Variants in GNA14 observed in about 807,000 individuals in gnomAD.
The protein encoded by GNA14 is guanine nucleotide-binding protein subunit alpha-14.
A neutral mutation model predicts 42.0 loss-of-function variants in GNA14; 50 were observed. The ratio of observed to expected loss-of-function variants is 1.19; its 90% CI spans 0.95 to 1.51. The LOEUF is 1.51. Ranked by LOEUF, GNA14 falls within the 40% of genes most tolerant of loss-of-function variation. The pLI, the probability that GNA14 is intolerant of heterozygous loss-of-function variation, is 0.00. For missense variants in GNA14, 473 were observed against 446.2 expected (o/e 1.06, Z -0.54); for synonymous variants, 173 against 163.1 (o/e 1.06, Z -0.46).
intron 1 of GNA14, among the ~76,000 whole-genome samples, chr9:77,616,441 A>G (rs750264028): frequency 6.6e-6 from 1 of 152,192 alleles, no homozygotes; most frequent in Admixed American, 6.5e-5. Context: ...ACTACTTATT[A>G]TGTGCTGAGT....
chr9:77,617,885 G>T (rs1023746526), intron 1 of GNA14, among the ~76,000 whole-genome samples: 4 of 151,894 alleles, frequency 2.6e-5, no homozygotes, highest in Admixed American at 2.6e-4. Flanking sequence ...CCCCTCCATT[G>T]TCACCCTTCA....
chr9:77,465,636 T>A (rs1836209022), intron 2 of GNA14, among the ~76,000 whole-genome samples: 1 of 151,052 alleles, frequency 6.6e-6, no homozygotes, highest in Non-Finnish European at 1.5e-5. Flanking sequence ...GCCTTCATTT[T>A]CAAAACATAG....
chr9:77,554,329 C>T (rs1421191176), intron 1 of GNA14, among the ~76,000 whole-genome samples: 14 of 152,260 alleles, frequency 9.2e-5, no homozygotes, highest in Admixed American at 2.0e-4. Flanking sequence ...GGGTGGTAGG[C>T]GAACAGTGTT....
intron 1 of GNA14, among the ~76,000 whole-genome samples, chr9:77,565,360 A>T (rs755438531): frequency 3.9e-5 from 6 of 152,214 alleles, no homozygotes; most frequent in Admixed American, 6.5e-5. Flanking sequence ...CTTATTAATA[A>T]TGTTTTATAT....
intron 2 of GNA14, among the ~76,000 whole-genome samples, chr9:77,448,773 T>C (rs937152265): frequency 6.6e-6 from 1 of 152,216 alleles, no homozygotes; most frequent in African/African-American, 2.4e-5. Flanking sequence ...AAATATTGTC[T>C]TTATGCTCAA....
At chr9:77,427,146 T>C (rs1835466100) in intron 5 of GNA14, among the ~76,000 whole-genome samples, 1 of 152,200 alleles carries the variant, frequency 6.6e-6, no homozygotes, top group South Asian at 2.1e-4. Flanking sequence ...TTAATTTTTC[T>C]CCAAATATTT....
intron 1 of GNA14, among the ~76,000 whole-genome samples, chr9:77,593,737 T>C (rs1823423624): frequency 6.6e-6 from 1 of 152,212 alleles, no homozygotes; most frequent in African/African-American, 2.4e-5. Context: ...CAACACATCC[T>C]GCAAAGAATC....
At chr9:77,588,666 G>A (rs1288939415) in intron 1 of GNA14, among the ~76,000 whole-genome samples, 4 of 152,168 alleles carry the variant, frequency 2.6e-5, no homozygotes, top group Non-Finnish European at 5.9e-5. Flanking sequence ...TAAGTTAGAA[G>A]GCAGGTTAGC....
chr9:77,563,501 A>G (rs1032721532), intron 1 of GNA14, among the ~76,000 whole-genome samples: 1 of 152,172 alleles, frequency 6.6e-6, no homozygotes, highest in East Asian at 1.9e-4. Flanking sequence ...AGAGAACTGC[A>G]TTCCGAACCA....
intron 2 of GNA14, among the ~76,000 whole-genome samples, chr9:77,483,665 C>T (rs571335936): frequency 6.6e-6 from 1 of 152,284 alleles, no homozygotes; most frequent in Middle Eastern, 3.4e-3. Context: ...GCCCTGCCCC[C>T]AGAGGTGGAG....
chr9:77,440,090 TAC>T (rs1374750632), intron 2 of GNA14, among the ~76,000 whole-genome samples: 4 of 152,264 alleles, frequency 2.6e-5, no homozygotes, highest in Non-Finnish European at 5.9e-5. Flanking sequence ...AACTCAGTGA[TAC>T]AGAAACATGA....
intron 2 of GNA14, among the ~76,000 whole-genome samples, chr9:77,479,284 T>C (rs1403282117): frequency 3.3e-5 from 5 of 152,264 alleles, no homozygotes; most frequent in African/African-American, 1.2e-4. Context: ...CAGGAAATCC[T>C]TTCCCCATTG....
chr9:77,428,549 C>A (rs1264778248), intron 5 of GNA14, among the ~76,000 whole-genome samples: 2 of 152,164 alleles, frequency 1.3e-5, no homozygotes, highest in Non-Finnish European at 2.9e-5. Flanking sequence ...TTCAGAATCT[C>A]TGGGGTTGGA....
intron 2 of GNA14, among the ~76,000 whole-genome samples, chr9:77,503,063 G>A (rs1837000843): frequency 1.3e-5 from 2 of 152,094 alleles, no homozygotes; most frequent in Non-Finnish European, 1.5e-5. Flanking sequence ...TGAGGTCCCT[G>A]CTCATCTTCC....
At chr9:77,613,617 G>A (rs1195622630) in intron 1 of GNA14, among the ~76,000 whole-genome samples, 2 of 152,164 alleles carry the variant, frequency 1.3e-5, no homozygotes, top group East Asian at 1.9e-4. Flanking sequence ...TGGTGATAAT[G>A]GTTACACAGG....
intron 1 of GNA14, among the ~76,000 whole-genome samples, chr9:77,539,738 G>T (rs77813713): frequency 7.9e-5 from 12 of 152,212 alleles, no homozygotes; most frequent in Non-Finnish European, 1.2e-4. Context: ...AAGCTTGGTT[G>T]GTTGGTTGTA....
intron 1 of GNA14, among the ~76,000 whole-genome samples, chr9:77,606,070 AG>A (rs1453784843): frequency 6.6e-6 from 1 of 152,238 alleles, no homozygotes; most frequent in East Asian, 1.9e-4. Flanking sequence ...AAGATGGACT[AG>A]ATTCTTCAGT....
At chr9:77,447,638 T>TAA (rs879319192) in intron 2 of GNA14, among the ~76,000 whole-genome samples, 18,308 of 152,078 alleles carry the variant, frequency 0.12, 1,527 homozygotes, top group East Asian at 0.36. Flanking sequence ...TGGGGAGGAC[T>TAA]CTCCTCCACA....
At chr9:77,513,954 A>C (rs1389066698) in intron 2 of GNA14, among the ~76,000 whole-genome samples, 11 of 136,282 alleles carry the variant, frequency 8.1e-5, no homozygotes, top group African/African-American at 2.7e-4. Flanking sequence ...TCCCTTCAGC[A>C]CTTTTTTTTT....
Sources: allele counts gnomAD v4.1 joint callset (sites outside exome capture counted in the v4.1 genomes callset), GRCh38; gene constraint gnomAD v4.1.1; transcripts MANE v1.5; gene names NCBI Gene and HGNC (gene_info 2026-07-23, HGNC 2026-07-21).